Variants in ZNF232 observed in about 807,000 individuals in gnomAD.
ZNF232 encodes the protein zinc finger and SCAN domain-containing protein 11.
In ZNF232, 25 loss-of-function variants were observed where a neutral mutation model predicts 25.2. That is an observed-to-expected ratio of 0.99 (90% CI 0.72 to 1.39). ZNF232 has a LOEUF of 1.39. ZNF232 is among the 40% of genes most tolerant of loss of function. The probability of loss-of-function intolerance (pLI) is 0.00; values close to 1 mark genes in which losing one functional copy is unlikely to be tolerated. For synonymous variants in ZNF232, 193 were observed against 182.9 expected (o/e 1.06, Z -0.45); for missense variants, 519 against 520.9 (o/e 1.00, Z 0.04).
Position 5,122,083 on chromosome 17 carries a change from T to C in ZNF232, c.-530+894A>G, listed in dbSNP as rs11653428. Among the ~76,000 whole-genome samples, 1,235 of 142,756 alleles carry C rather than the reference T, an allele frequency of 8.7e-3. 13 individuals carry two copies. The highest frequency in any genetic ancestry group is 0.018 in the African/African-American group (675 of 37,692). 93.7% of individuals were successfully genotyped at this position (142,756 alleles called of 152,430 possible). A position where few individuals can be genotyped will look rare whatever the true frequency, so the allele number is the denominator to read the frequency against. On this transcript the variant is annotated intron_variant, in intron 1 of 4. Transcript: ENST00000250076. ...GGGTCAGGGTGGGGCCAGAGAGATG[T>C]GTCAGGGGGCTGGAGCAGGGAGTGT...
Position 5,106,662 on chromosome 17 carries a change from C to G in ZNF232, c.626-156G>C, listed in dbSNP as rs1167223525. 7.6e-6 allele frequency: 6 copies of G among 789,210 alleles called. No homozygotes were observed. In the African/African-American group the frequency reaches 8.7e-5, roughly 11 times the overall value. 48.9% of individuals were successfully genotyped at this position (789,210 alleles called of 1,614,324 possible). A position where few individuals can be genotyped will look rare whatever the true frequency, so the allele number is the denominator to read the frequency against. ...TACTGGATATTGCCAACAGTTATCT[C>G]TTGGTGATGGGACTATACAGAGGAG... On this transcript the variant is annotated intron_variant, in intron 3 of 3. Transcript: ENST00000575898.
At chr17:5,108,640 T>C (rs1173782850) in intron 3 of ZNF232, 1 of 325,940 alleles carries the variant, frequency 3.1e-6, no homozygotes, top group Non-Finnish European at 5.9e-6. Context: ...CTGGTCCTGA[T>C]TTAGGGCTCT....
upstream of ZNF232, chr17:5,111,848 C>CT: frequency 6.2e-7 from 1 of 1,613,680 alleles, no homozygotes; most frequent in East Asian, 2.2e-5. Context: ...AATCGCGCCA[C>CT]TTACAGCCCT....
At chr17:5,122,512 C>G (rs2072712348) in intron 1 of ZNF232, among the ~76,000 whole-genome samples, 1 of 152,246 alleles carries the variant, frequency 6.6e-6, no homozygotes, top group Non-Finnish European at 1.5e-5. Context: ...AGCGGCCCGG[C>G]GGTCCTCTTA....
chr17:5,120,667 G>C (rs182232657), intron 1 of ZNF232: 12 of 399,710 alleles, frequency 3.0e-5, no homozygotes, highest in African/African-American at 1.4e-4. Flanking sequence ...GAGGATGTCA[G>C]TGTGAAGATG....
intron 1 of ZNF232, 163 bp downstream of exon 1, chr17:5,111,637 G>A (rs998192531): frequency 9.9e-6 from 10 of 1,010,146 alleles, no homozygotes; most frequent in African/African-American, 1.6e-5. Flanking sequence ...GCGACGCAAC[G>A]CAGGTAGCGC....
chr17:5,113,285 C>T (rs899979146), upstream of ZNF232: 4 of 152,224 alleles, frequency 2.6e-5, no homozygotes, highest in African/African-American at 7.2e-5. Context: ...ATGTCTACTA[C>T]GTGTCTAGAA....
At chr17:5,111,621 C>A in intron 1 of ZNF232, 179 bp downstream of exon 1, 1 of 857,110 alleles carries the variant, frequency 1.2e-6, no homozygotes, top group East Asian at 2.7e-5. Context: ...CTCCACGGCA[C>A]GTGACGCGAC....
upstream of ZNF232, chr17:5,111,864 CA>C (rs766460074): frequency 8.3e-5 from 134 of 1,612,544 alleles, no homozygotes; most frequent in Admixed American, 2.3e-4. Context: ...GCCCTCACCC[CA>C]GGGGCAGGTT....
At chr17:5,110,622 A>G (rs1054724809) in intron 1 of ZNF232, among the ~76,000 whole-genome samples, 1 of 152,212 alleles carries the variant, frequency 6.6e-6, no homozygotes, top group African/African-American at 2.4e-5. Flanking sequence ...AAAGAAAAAT[A>G]TAAGTCCCCT....
intron 1 of ZNF232, among the ~76,000 whole-genome samples, chr17:5,122,778 C>T (rs1207754691): frequency 6.6e-6 from 1 of 152,220 alleles, no homozygotes; most frequent in Non-Finnish European, 1.5e-5. Context: ...CTCTCAGGTC[C>T]GGTAGGGCGA....
upstream of ZNF232, chr17:5,116,513 T>G (rs910331205): frequency 6.6e-6 from 1 of 152,346 alleles, no homozygotes; most frequent in Non-Finnish European, 1.5e-5. Context: ...GGCCAGTGCC[T>G]GTCCGGGAAG....
chr17:5,111,703 C>G, intron 1 of ZNF232, 97 bp downstream of exon 1: 1 of 1,594,408 alleles, frequency 6.3e-7, no homozygotes, highest in South Asian at 1.1e-5. Flanking sequence ...GCGGAGCTGC[C>G]TGCCAGGCCT....
chr17:5,111,605 A>AC (rs1030716349), intron 1 of ZNF232, 195 bp downstream of exon 1: 5 of 730,766 alleles, frequency 6.8e-6, no homozygotes, highest in Admixed American at 2.8e-5. Context: ...GAACATCAAG[A>AC]CCCCCCTCCA....
At chr17:5,109,131 G>GGGA in intron 2 of ZNF232, 79 bp from the exon 3 acceptor site, 1 of 1,592,508 alleles carries the variant, frequency 6.3e-7, no homozygotes, top group Non-Finnish European at 8.6e-7. Context: ...CTGGACACTT[G>GGGA]CAGATGTGAC....
rs146197075 is a variant in ZNF232, at chr17:5,111,629, G to A, written c.23+171C>T. 676 of 932,712 alleles carry A rather than the reference G, an allele frequency of 7.2e-4. 3 individuals are homozygous for A. In the African/African-American group the frequency reaches 0.01, roughly 14 times the overall value. 57.8% of individuals were successfully genotyped at this position (932,712 alleles called of 1,614,324 possible). A position where few individuals can be genotyped will look rare whatever the true frequency, so the allele number is the denominator to read the frequency against. On this transcript the variant is annotated intron_variant, in intron 1 of 3. Transcript: ENST00000575898. ...GACCCCCCTCCACGGCACGTGACGC[G>A]ACGCAACGCAGGTAGCGCAGCGCGG...
upstream of ZNF232, among the ~76,000 whole-genome samples, chr17:5,112,530 C>A (rs1031179788): frequency 6.6e-6 from 1 of 151,734 alleles, no homozygotes; most frequent in Non-Finnish European, 1.5e-5. Flanking sequence ...TGGCTCACTG[C>A]AAGCTCCGCC....
chr17:5,109,379 A>G lies in ZNF232; in HGVS notation c.498+15T>C. On this transcript the variant is annotated intron_variant, in intron 2 of 3. Transcript: ENST00000575898. The stretch of plus-strand genomic sequence containing the variant: ...TCAATCTGGCTCCCATAACAGACCA[A>G]ATCCCCCTTCCCACCTGCGGCTCTG... The G allele has an allele frequency of 6.2e-7, 1 of 1,613,930 alleles. No homozygotes were observed. The highest frequency in any genetic ancestry group is 2.2e-5 in the East Asian group (1 of 44,882).
At chr17:5,121,496 C>A in intron 1 of ZNF232, 1 of 238,324 alleles carries the variant, frequency 4.2e-6, no homozygotes, top group South Asian at 6.0e-5. Context: ...CAAGGTAGGG[C>A]CTCTGTCCCC....
Sources: gnomAD v4.1 joint callset for allele counts (sites outside exome capture counted in the v4.1 genomes callset) on GRCh38, gnomAD v4.1.1 for gene constraint, MANE v1.5 for transcripts, NCBI Gene and HGNC (gene_info 2026-07-23, HGNC 2026-07-21) for gene names.